The following EVI5 variants were observed in gnomAD, a reference collection of about 807,000 sequenced individuals.
EVI5 encodes ecotropic viral integration site 5.
EVI5 carries 73 observed loss-of-function variants against 112.0 expected under a neutral mutation model. That is an observed-to-expected ratio of 0.65 (90% CI 0.54 to 0.79). The LOEUF is 0.79. Ranked by LOEUF, EVI5 falls within the 30% of genes least tolerant of loss-of-function variation. The probability of loss-of-function intolerance (pLI) is 0.00; values close to 1 mark genes in which losing one functional copy is unlikely to be tolerated. For missense variants in EVI5, 900 were observed against 968.8 expected (o/e 0.93, Z 0.94); for synonymous variants, 305 against 319.9 (o/e 0.95, Z 0.50).
intron 2 of EVI5, among the ~76,000 whole-genome samples, chr1:92,716,055 C>G (rs116749726): frequency 0.019 from 2,901 of 152,274 alleles, 109 homozygotes; most frequent in African/African-American, 0.065. Context: ...CAAAAGGCAG[C>G]AGAAACTTCC....
At chr1:92,635,291 G>A (rs548703312) in intron 14 of EVI5, among the ~76,000 whole-genome samples, 1 of 152,318 alleles carries the variant, frequency 6.6e-6, no homozygotes, top group Non-Finnish European at 1.5e-5. Flanking sequence ...AGTCTACAGG[G>A]GCAGGCAGGC....
Position 92,771,836 on chromosome 1 carries a change from C to T in EVI5, c.-82+13000G>A, listed in dbSNP as rs572812836. 9.3e-5 allele frequency among the ~76,000 whole-genome samples: 14 copies of T among 150,808 alleles called. 1 individual carries two copies. In the South Asian group the frequency reaches 3.0e-3, roughly 32 times the overall value. On this transcript the variant is annotated intron_variant, in intron 1 of 19. Coordinates refer to ENST00000684568, the MANE Select transcript of EVI5 (RefSeq NM_001350197.2). Reference sequence around the variant, plus strand: ...GTTTTACCTATTCCAAGTCTTATACCCCACTGTACTAGAATACTCTTTTTA... The same window carrying T: ...GTTTTACCTATTCCAAGTCTTATACTCCACTGTACTAGAATACTCTTTTTA...
At chr1:92,628,330 A>G (rs1656145465) in intron 14 of EVI5, among the ~76,000 whole-genome samples, 1 of 152,166 alleles carries the variant, frequency 6.6e-6, no homozygotes. Flanking sequence ...CCTCAGTTTA[A>G]TTAGGTCCCA....
In EVI5 at chr1:92,733,928, C is replaced by T. The variant is rs535734293; in HGVS notation, c.149+2470G>A. Reference sequence around the variant, plus strand: ...TCCAGGATCAAAAGTGAAGCAAAGTCCCTTTTGGGACACTGTCATTCTTTT... The same window carrying T: ...TCCAGGATCAAAAGTGAAGCAAAGTTCCTTTTGGGACACTGTCATTCTTTT... On this transcript the variant is annotated intron_variant, in intron 2 of 19. Coordinates refer to ENST00000684568, the MANE Select transcript of EVI5 (RefSeq NM_001350197.2). Among the ~76,000 whole-genome samples the T allele has an allele frequency of 1.4e-4, 22 of 152,216 alleles. No homozygotes were observed. In the South Asian group the frequency reaches 4.4e-3, roughly 30 times the overall value.
At chr1:92,587,169 A>G (rs1015485621) in intron 18 of EVI5, among the ~76,000 whole-genome samples, 4 of 152,184 alleles carry the variant, frequency 2.6e-5, no homozygotes, top group African/African-American at 7.2e-5. Flanking sequence ...TTTTAAACAG[A>G]ATCTCGCAAT....
intron 2 of EVI5, among the ~76,000 whole-genome samples, chr1:92,708,390 T>G (rs1055840329): frequency 6.6e-6 from 1 of 152,072 alleles, no homozygotes; most frequent in African/African-American, 2.4e-5. Context: ...TCACTAGTCA[T>G]AGGGAAAAAG....
chr1:92,783,808 C>CAAAAAAAAAAAAAAAAAAAAAAA (rs58484805), intron 1 of EVI5, among the ~76,000 whole-genome samples: 1 of 94,304 alleles, frequency 1.1e-5, no homozygotes, highest in Non-Finnish European at 2.1e-5. Flanking sequence ...GACTCCCTGT[C>CAAAAAAAAAAAAAAAAAAAAAAA]AAAAAAAAAA....
chr1:92,615,459 G>A (rs1365686407), intron 16 of EVI5, among the ~76,000 whole-genome samples: 1 of 152,162 alleles, frequency 6.6e-6, no homozygotes, highest in Non-Finnish European at 1.5e-5. Flanking sequence ...GTTAAAGTGA[G>A]GGCATTGATT....
At chr1:92,682,308 C>T (rs963927324) in intron 9 of EVI5, among the ~76,000 whole-genome samples, 2 of 152,184 alleles carry the variant, frequency 1.3e-5, no homozygotes, top group Non-Finnish European at 2.9e-5. Flanking sequence ...TAAAAGAGTG[C>T]TCATCTCTCC....
At chr1:92,586,169 C>T (rs1672743894) in intron 18 of EVI5, among the ~76,000 whole-genome samples, 1 of 152,158 alleles carries the variant, frequency 6.6e-6, no homozygotes, top group African/African-American at 2.4e-5. Flanking sequence ...TGATGGTAAT[C>T]TTAATCACCT....
intron 13 of EVI5, among the ~76,000 whole-genome samples, chr1:92,649,513 T>C (rs1661679148): frequency 6.6e-6 from 1 of 152,212 alleles, no homozygotes; most frequent in Non-Finnish European, 1.5e-5. Context: ...CATAAACATG[T>C]TATTTTTAAA....
In EVI5 at chr1:92,697,991, T is replaced by C. The variant is rs569138678; in HGVS notation, c.640-6A>G. The C allele has an allele frequency of 1.2e-5, 19 of 1,603,422 alleles. No individual in the cohort carries two copies. Among genetic ancestry groups the C allele is most frequent in the Non-Finnish European group, 1.4e-5 (17 of 1,176,510 alleles). On this transcript the variant is annotated splice_polypyrimidine_tract_variant and splice_region_variant and intron_variant, in intron 5 of 19. Coordinates refer to ENST00000684568, the MANE Select transcript of EVI5 (RefSeq NM_001350197.2). ...AAAGCTTCTTCTTCTGGCATCTACA[T>C]TGGAAGAAAAAAAAACAACATAGGT...
chr1:92,750,220 GT>G (rs1400681971), intron 1 of EVI5, among the ~76,000 whole-genome samples: 3 of 152,266 alleles, frequency 2.0e-5, no homozygotes, highest in East Asian at 3.9e-4. Flanking sequence ...GAGGTGAGAT[GT>G]GGGGAAGACA....
At chr1:92,610,617 T>C (rs1025882599) in intron 16 of EVI5, among the ~76,000 whole-genome samples, 4 of 151,248 alleles carry the variant, frequency 2.6e-5, no homozygotes, top group Non-Finnish European at 5.9e-5. Context: ...ATTAAGCAAA[T>C]CAGAAAAATA....
At chr1:92,604,957 T>G (rs1425237138) in intron 18 of EVI5, among the ~76,000 whole-genome samples, 2 of 152,132 alleles carry the variant, frequency 1.3e-5, no homozygotes, top group African/African-American at 4.8e-5. Context: ...GTCAAACTCA[T>G]AGAGACAAAG....
At chr1:92,539,073 T>C (rs954433861) in intron 19 of EVI5, among the ~76,000 whole-genome samples, 1 of 152,176 alleles carries the variant, frequency 6.6e-6, no homozygotes, top group Non-Finnish European at 1.5e-5. Context: ...CATAAGTATT[T>C]TGTGGTATAG....
At chr1:92,754,890 CAT>C (rs1680692182) in intron 1 of EVI5, among the ~76,000 whole-genome samples, 6 of 152,054 alleles carry the variant, frequency 3.9e-5, no homozygotes, top group Admixed American at 3.9e-4. Context: ...CCTCATGTGA[CAT>C]ATTATGTTCA....
chr1:92,698,823 G>A (rs1225893345), intron 5 of EVI5, among the ~76,000 whole-genome samples: 1 of 152,038 alleles, frequency 6.6e-6, no homozygotes, highest in African/African-American at 2.4e-5. Flanking sequence ...CTGAAATTGG[G>A]GTTTAAAGGT....
chr1:92,726,870 T>TA (rs2102738450), intron 2 of EVI5, among the ~76,000 whole-genome samples: 1 of 152,252 alleles, frequency 6.6e-6, no homozygotes, highest in African/African-American at 2.4e-5. Flanking sequence ...ACTGATAAGT[T>TA]AAAGATTTAT....
Sources: allele counts gnomAD v4.1 joint callset (sites outside exome capture counted in the v4.1 genomes callset), GRCh38; gene constraint gnomAD v4.1.1; transcripts MANE v1.5; gene names NCBI Gene and HGNC (gene_info 2026-07-23, HGNC 2026-07-21).